INPP4B: variants seen among roughly 807,000 people sequenced by gnomAD.
INPP4B encodes the protein inositol polyphosphate 4-phosphatase type II.
Under a neutral mutation model 122.5 loss-of-function variants are expected in INPP4B, and 55 were observed. The ratio of observed to expected loss-of-function variants is 0.45; its 90% CI spans 0.36 to 0.56. The LOEUF (loss-of-function observed/expected upper bound fraction) is 0.56, where lower values mean the gene tolerates loss of function less well. Among genes scored for constraint, INPP4B ranks in the 20% least tolerant of loss-of-function variants. The pLI is 0.00. For missense variants in INPP4B, 1,000 were observed against 1,097.7 expected, an observed-to-expected ratio of 0.91 and a Z score of 1.26; for synonymous variants, 403 against 388.7, an observed-to-expected ratio of 1.04 and a Z score of -0.43.
intron 9 of INPP4B, among the ~76,000 whole-genome samples, chr4:142,303,090 T>C (rs1420160817): frequency 6.6e-6 from 1 of 152,140 alleles, no homozygotes; most frequent in East Asian, 1.9e-4. Flanking sequence ...ATAAATTAGA[T>C]GCACATGTCT....
At chr4:142,644,740 TA>T (rs55700762) in intron 2 of INPP4B, among the ~76,000 whole-genome samples, 4,277 of 70,958 alleles carry the variant, frequency 0.06, 84 homozygotes, top group African/African-American at 0.1. Context: ...CATCTCTACT[TA>T]AAAAAAAAAA....
chr4:142,113,001 CTCAA>C (rs1188675848), intron 21 of INPP4B, among the ~76,000 whole-genome samples: 3 of 151,980 alleles, frequency 2.0e-5, no homozygotes, highest in African/African-American at 7.2e-5. Flanking sequence ...ATTTTTAAAA[CTCAA>C]TCAGTCCTAA....
intron 24 of INPP4B, 123 bp downstream of exon 24, chr4:142,086,021 G>A: frequency 1.5e-6 from 1 of 685,312 alleles, no homozygotes. Flanking sequence ...CTAATCCATG[G>A]ACTAATAGAA....
chr4:142,377,870 A>C (rs1792572523), intron 7 of INPP4B, among the ~76,000 whole-genome samples: 1 of 152,094 alleles, frequency 6.6e-6, no homozygotes, highest in Non-Finnish European at 1.5e-5. Flanking sequence ...GCACCCAGCC[A>C]CAAGTCCCCT....
intron 12 of INPP4B, among the ~76,000 whole-genome samples, chr4:142,236,910 A>C (rs2149951882): frequency 6.6e-6 from 1 of 152,344 alleles, no homozygotes; most frequent in Non-Finnish European, 1.5e-5. Context: ...GCAATTAAAA[A>C]GTGTTAACGC....
At chr4:142,122,368 C>T in intron 20 of INPP4B, 123 bp from the exon 21 acceptor site, 1 of 740,684 alleles carries the variant, frequency 1.4e-6, no homozygotes, top group South Asian at 1.6e-5. Context: ...ATGCAGTGAA[C>T]CTACTCTAGA....
At chr4:142,642,543 G>T (rs1750747395) in intron 2 of INPP4B, among the ~76,000 whole-genome samples, 1 of 152,130 alleles carries the variant, frequency 6.6e-6, no homozygotes, top group Non-Finnish European at 1.5e-5. Flanking sequence ...CCCATTGCTT[G>T]TTTTTGTCAG....
At position 142,557,002 on chromosome 4, in the gene INPP4B, G is replaced by A. The variant is rs371378493; in HGVS notation, c.-190-94276C>T. Among the ~76,000 whole-genome samples, 11 of 152,178 alleles carry A rather than the reference G, an allele frequency of 7.2e-5. No individual in the cohort carries two copies. The East Asian group carries it at 1.2e-3, about 16-fold the overall frequency. ...AGCTGCTCCTCAAAGCTGCCCTGTC[G>A]TGACCACCGGAGGACCAGTAGCCAA... On this transcript the variant is annotated intron_variant, in intron 2 of 25. Coordinates refer to ENST00000262992, the MANE Select transcript of INPP4B (RefSeq NM_001101669.3).
intron 2 of INPP4B, among the ~76,000 whole-genome samples, chr4:142,513,489 C>T (rs898440761): frequency 2.6e-5 from 4 of 152,052 alleles, no homozygotes; most frequent in African/African-American, 9.7e-5. Context: ...CTCACTGCAA[C>T]CTCCACCTCC....
rs1184101807 is a variant in INPP4B, at chr4:142,305,492, T to C, written c.469A>G (p.Lys157Glu). ...YASFKVGELL[K>E]SKEQLLVLSL... ...AGGACCAGCAATTGCTCCTTTGACT[T>C]CAGCAGCTCTCCCACTTTAAAACTG... The change falls in exon 9 of 26, where the codon AAG (lysine) becomes GAG (glutamate). Residue 157 changes from lysine (K) to glutamate (E), a missense_variant. Lys to Glu is a moderately conservative substitution (Grantham distance 56, BLOSUM62 1). Coordinates refer to ENST00000262992, the MANE Select transcript of INPP4B (RefSeq NM_001101669.3). 1.2e-6 allele frequency: 2 copies of C among 1,613,046 alleles called. No individual in the cohort carries two copies. The highest frequency in any genetic ancestry group is 1.7e-6 in the Non-Finnish European group (2 of 1,179,372).
chr4:142,522,582 T>C (rs1332696171), intron 2 of INPP4B, among the ~76,000 whole-genome samples: 1 of 152,134 alleles, frequency 6.6e-6, no homozygotes, highest in African/African-American at 2.4e-5. Context: ...ATATGCCAAG[T>C]CTGTATAATA....
chr4:142,162,941 A>C (rs765956524), intron 16 of INPP4B, among the ~76,000 whole-genome samples: 1 of 151,948 alleles, frequency 6.6e-6, no homozygotes, highest in Non-Finnish European at 1.5e-5. Flanking sequence ...CATTTTTTAG[A>C]AAATACCCAA....
chr4:142,093,123 G>C (rs919136636), intron 23 of INPP4B, among the ~76,000 whole-genome samples: 4 of 152,050 alleles, frequency 2.6e-5, no homozygotes, highest in African/African-American at 9.7e-5. Context: ...TAAGAACCCA[G>C]CCATTATGCT....
At chr4:142,200,520 C>A (rs1840192326) in intron 14 of INPP4B, among the ~76,000 whole-genome samples, 2 of 152,002 alleles carry the variant, frequency 1.3e-5, no homozygotes, top group Admixed American at 6.6e-5. Context: ...TGTATACATA[C>A]TTCCATATTT....
chr4:142,354,741 C>T (rs1338746167), intron 7 of INPP4B, among the ~76,000 whole-genome samples: 1 of 151,992 alleles, frequency 6.6e-6, no homozygotes, highest in Non-Finnish European at 1.5e-5. Flanking sequence ...TTATTATGTG[C>T]TTTGCCATAA....
At chr4:142,644,481 A>AT (rs902187058) in intron 2 of INPP4B, among the ~76,000 whole-genome samples, 3 of 151,980 alleles carry the variant, frequency 2.0e-5, no homozygotes, top group Non-Finnish European at 4.4e-5. Flanking sequence ...TTAAGACAGG[A>AT]TTTTTTTATT....
At chr4:142,678,064 G>C (rs185014997) in intron 2 of INPP4B, among the ~76,000 whole-genome samples, 9 of 152,020 alleles carry the variant, frequency 5.9e-5, no homozygotes, top group Admixed American at 4.6e-4. Context: ...GTCTTGTCAT[G>C]TTGAGACCAA....
intron 2 of INPP4B, among the ~76,000 whole-genome samples, chr4:142,484,083 C>T (rs180909483): frequency 3.6e-4 from 55 of 152,098 alleles, no homozygotes; most frequent in Non-Finnish European, 6.9e-4. Context: ...GAAAGGAACA[C>T]CTAAAACAGG....
intron 1 of INPP4B, among the ~76,000 whole-genome samples, chr4:142,831,287 C>T (rs766141136): frequency 2.6e-5 from 4 of 152,140 alleles, no homozygotes; most frequent in African/African-American, 9.7e-5. Context: ...AGTTGCCTGA[C>T]AGTTCTATAT....
Sources: allele counts gnomAD v4.1 joint callset (sites outside exome capture counted in the v4.1 genomes callset), GRCh38; gene constraint gnomAD v4.1.1; transcripts MANE v1.5; gene names NCBI Gene and HGNC (gene_info 2026-07-23, HGNC 2026-07-21).